The following NELL1 variants were observed in gnomAD, a reference collection of about 807,000 sequenced individuals.
NELL1 encodes the protein neural EGFL like 1.
Under a neutral mutation model 107.4 loss-of-function variants are expected in NELL1, and 76 were observed. That is an observed-to-expected ratio of 0.71 (90% confidence interval 0.59 to 0.86). The LOEUF (loss-of-function observed/expected upper bound fraction) is 0.86, where lower values mean the gene tolerates loss of function less well. Ranked by LOEUF, NELL1 falls within the 40% of genes least tolerant of loss-of-function variation. The pLI is 0.00. For missense variants in NELL1, 1,024 were observed against 1,005.5 expected (o/e 1.02, Z -0.25); for synonymous variants, 353 against 341.2 (o/e 1.03, Z -0.38).
intron 2 of NELL1, among the ~76,000 whole-genome samples, chr11:20,756,480 T>C (rs781283020): frequency 2.1e-4 from 32 of 151,516 alleles, no homozygotes; most frequent in Non-Finnish European, 3.5e-4. Flanking sequence ...CTGGGACTTA[T>C]AGGCACCTGA....
intron 13 of NELL1, among the ~76,000 whole-genome samples, chr11:21,117,630 G>A (rs1260394618): frequency 1.3e-5 from 2 of 151,952 alleles, no homozygotes; most frequent in East Asian, 1.9e-4. Flanking sequence ...CATTCTATTG[G>A]ATGTTCTAAA....
intron 13 of NELL1, among the ~76,000 whole-genome samples, chr11:21,153,101 G>C (rs952220872): frequency 1.3e-5 from 2 of 152,064 alleles, no homozygotes; most frequent in Non-Finnish European, 2.9e-5. Flanking sequence ...CCCTCTTAAC[G>C]TTCTTAGAGT....
In NELL1 at chr11:21,525,990, C is replaced by A. The variant is rs148361725; in HGVS notation, c.1646-8384C>A. 3.2e-3 allele frequency among the ~76,000 whole-genome samples: 494 copies of A among 152,246 alleles called. 9 individuals are homozygous for A. Among genetic ancestry groups the A allele is most frequent in the Admixed American group, 0.026 (400 of 15,290 alleles). ...AAACCAATCATGCCTTTCCAACAGT[C>A]CCCCAAAGTCTTAACTCATTTCAGC... On this transcript the variant is annotated intron_variant, in intron 15 of 19. Coordinates refer to ENST00000357134, the MANE Select transcript of NELL1 (RefSeq NM_006157.5).
chr11:20,914,616 A>G (rs560534318), intron 5 of NELL1, among the ~76,000 whole-genome samples: 2 of 152,176 alleles, frequency 1.3e-5, no homozygotes, highest in South Asian at 2.1e-4. Flanking sequence ...CTTTTCCATC[A>G]TGGTCTGAAC....
In NELL1 at chr11:21,261,994, C is replaced by T. The variant is rs539018936; in HGVS notation, c.1549+32540C>T. 6.6e-5 allele frequency among the ~76,000 whole-genome samples: 10 copies of T among 151,858 alleles called. No individual in the cohort carries two copies. The South Asian group carries it at 8.3e-4, about 13-fold the overall frequency. On this transcript the variant is annotated intron_variant, in intron 14 of 19. Transcript: ENST00000357134. ...ACATATCTTCTCGTTAGGTTAGTAT[C>T]GTTTATGTTATTACGATTGTGCGTG...
chr11:21,321,394 C>T (rs966577451), intron 14 of NELL1, among the ~76,000 whole-genome samples: 17 of 151,666 alleles, frequency 1.1e-4, no homozygotes, highest in Non-Finnish European at 2.5e-4. Flanking sequence ...GGGGGCATTG[C>T]TAGAGGGTGG....
intron 14 of NELL1, among the ~76,000 whole-genome samples, chr11:21,339,322 T>G (rs1346510080): frequency 1.3e-5 from 2 of 152,184 alleles, no homozygotes; most frequent in Non-Finnish European, 2.9e-5. Context: ...CAAAGGATAC[T>G]GATGGCTTAC....
chr11:20,922,678 T>A (rs1850405375), intron 7 of NELL1, among the ~76,000 whole-genome samples: 1 of 152,156 alleles, frequency 6.6e-6, no homozygotes, highest in Admixed American at 6.6e-5. Flanking sequence ...CAGTTCCGAT[T>A]AAGATGGGTA....
intron 12 of NELL1, among the ~76,000 whole-genome samples, chr11:21,072,718 A>G (rs1854044527): frequency 1.3e-5 from 2 of 152,216 alleles, no homozygotes; most frequent in Admixed American, 1.3e-4. Flanking sequence ...CTGAAAAAGA[A>G]GTGAAGAACG....
intron 12 of NELL1, among the ~76,000 whole-genome samples, chr11:20,975,920 C>CATATATGT (rs1554953002): frequency 9.2e-6 from 1 of 108,460 alleles, no homozygotes; most frequent in African/African-American, 4.1e-5. Context: ...TATATAAACA[C>CATATATGT]ACATATATGT....
At chr11:21,248,848 G>C (rs181590808) in intron 14 of NELL1, among the ~76,000 whole-genome samples, 1 of 152,214 alleles carries the variant, frequency 6.6e-6, no homozygotes, top group East Asian at 1.9e-4. Flanking sequence ...AATCAAAGTA[G>C]GTTTGTTTTT....
chr11:20,761,000 GCT>G (rs1386663522), intron 2 of NELL1, among the ~76,000 whole-genome samples: 1 of 152,136 alleles, frequency 6.6e-6, no homozygotes, highest in African/African-American at 2.4e-5. Context: ...ATAAAAATTA[GCT>G]CTTTTTCATG....
chr11:21,038,366 A>G (rs1853146717), intron 12 of NELL1, among the ~76,000 whole-genome samples: 1 of 152,204 alleles, frequency 6.6e-6, no homozygotes, highest in Admixed American at 6.5e-5. Flanking sequence ...GGTTATAACT[A>G]GTCAATATGT....
intron 13 of NELL1, among the ~76,000 whole-genome samples, chr11:21,126,361 A>ATAAG (rs1855486627): frequency 1.3e-5 from 2 of 151,912 alleles, no homozygotes; most frequent in South Asian, 4.2e-4. Context: ...TATTGAGATA[A>ATAAG]TAAATAAATA....
intron 15 of NELL1, among the ~76,000 whole-genome samples, chr11:21,468,493 G>A (rs1854087913): frequency 6.6e-6 from 1 of 151,996 alleles, no homozygotes; most frequent in South Asian, 2.1e-4. Context: ...TCCCATTACA[G>A]TGTGAATTAT....
At chr11:21,200,206 T>C (rs943102991) in intron 13 of NELL1, among the ~76,000 whole-genome samples, 1 of 152,162 alleles carries the variant, frequency 6.6e-6, no homozygotes, top group Admixed American at 6.5e-5. Context: ...TTCTAGATCC[T>C]TGAGGAATCG....
chr11:20,711,983 T>C (rs1855124254), intron 2 of NELL1, among the ~76,000 whole-genome samples: 1 of 152,168 alleles, frequency 6.6e-6, no homozygotes, highest in Admixed American at 6.5e-5. Context: ...GCTTCTTGTC[T>C]AGCTGTCTAG....
chr11:20,931,515 A>G (rs1850618334), intron 9 of NELL1, among the ~76,000 whole-genome samples: 1 of 152,196 alleles, frequency 6.6e-6, no homozygotes, highest in African/African-American at 2.4e-5. Context: ...GTGCCTACGT[A>G]TTTCAAAATA....
At chr11:21,215,537 T>C (rs140101321) in intron 13 of NELL1, among the ~76,000 whole-genome samples, 1 of 152,226 alleles carries the variant, frequency 6.6e-6, no homozygotes, top group East Asian at 1.9e-4. Context: ...TATGGGAAAG[T>C]TTGGAACTTC....
Sources: gnomAD v4.1 joint callset for allele counts (sites outside exome capture counted in the v4.1 genomes callset) on GRCh38, gnomAD v4.1.1 for gene constraint, MANE v1.5 for transcripts, NCBI Gene and HGNC (gene_info 2026-07-23, HGNC 2026-07-21) for gene names.